ABLIM1: variants seen among roughly 807,000 people sequenced by gnomAD.
The protein encoded by ABLIM1 is actin binding LIM protein 1.
ABLIM1 carries 40 observed loss-of-function variants against 107.0 expected under a neutral mutation model. That is an observed-to-expected ratio of 0.37 (90% CI 0.29 to 0.49). The LOEUF is 0.49. Among genes scored for constraint, ABLIM1 ranks in the 20% least tolerant of loss-of-function variants. The probability of loss-of-function intolerance (pLI) is 0.97; values close to 1 mark genes in which losing one functional copy is unlikely to be tolerated. For synonymous variants in ABLIM1, 357 were observed against 357.3 expected, an observed-to-expected ratio of 1.00 and a Z score of 0.01; for missense variants, 857 against 1,008.5, an observed-to-expected ratio of 0.85 and a Z score of 2.04.
At chr10:114,610,478 C>G (rs187175557) in intron 1 of ABLIM1, among the ~76,000 whole-genome samples, 4 of 152,330 alleles carry the variant, frequency 2.6e-5, no homozygotes, top group Admixed American at 6.5e-5. Context: ...CCCATTGGTT[C>G]CTACTGAATT....
At chr10:114,601,784 G>C in intron 2 of ABLIM1, 43 bp downstream of exon 2, 2 of 1,613,988 alleles carry the variant, frequency 1.2e-6, no homozygotes, top group South Asian at 2.2e-5. Context: ...GGCAAGCCCC[G>C]ACCATGGCAT....
At chr10:114,473,416 A>G (rs947996657) in intron 9 of ABLIM1, among the ~76,000 whole-genome samples, 4 of 152,214 alleles carry the variant, frequency 2.6e-5, no homozygotes, top group African/African-American at 7.2e-5. Flanking sequence ...TTATGATAGT[A>G]AAGGAAAAAG....
chr10:114,650,564 TAAAC>T lies in ABLIM1; in HGVS notation c.244+7389_244+7392del, dbSNP rs1275731847. ...CACATTCCTAGGACTAAAAATAAAATAAACAAAACAAAAAGCAACCATCAATAAA... is the reference window on the plus strand; with the variant it reads ...CACATTCCTAGGACTAAAAATAAAATAAAACAAAAAGCAACCATCAATAAA... On this transcript the variant is annotated intron_variant, in intron 1 of 22. Transcript: ENST00000533213. Among the ~76,000 whole-genome samples, 3 of 151,808 alleles carry T rather than the reference TAAAC, an allele frequency of 2.0e-5. No homozygotes were observed. In the South Asian group the frequency reaches 6.2e-4, roughly 32 times the overall value.
At chr10:114,460,860 G>T (rs1271337125) in intron 12 of ABLIM1, among the ~76,000 whole-genome samples, 1 of 152,182 alleles carries the variant, frequency 6.6e-6, no homozygotes, top group Non-Finnish European at 1.5e-5. Context: ...AGCAGTATTA[G>T]TCATTGACCA....
chr10:114,579,360 C>T (rs1657784856), intron 2 of ABLIM1, among the ~76,000 whole-genome samples: 1 of 152,122 alleles, frequency 6.6e-6, no homozygotes, highest in South Asian at 2.1e-4. Flanking sequence ...ACGTTGCAGA[C>T]ATTGATCTGT....
In ABLIM1 at chr10:114,657,989, C is replaced by T. The variant is rs138943557; in HGVS notation, c.212G>A (p.Arg71His). 6.2e-6 allele frequency: 10 copies of T among 1,613,994 alleles called. No individual in the cohort carries two copies. The highest frequency in any genetic ancestry group is 2.2e-5 in the South Asian group (2 of 91,068). Reference sequence around the variant, plus strand: ...ATCAACGCTGTTACATACACGCCCACGTGGGCAGTAGTCCTTGGGACAGAG... The same window carrying T: ...ATCAACGCTGTTACATACACGCCCATGTGGGCAGTAGTCCTTGGGACAGAG... ...LYLCPKDYCP[R>H]GRVCNSVDPF... Residue 71 changes from arginine to histidine, a missense_variant, in exon 1 of 23, where the codon CGT (arginine) becomes CAT (histidine). Around this residue, in one of 5 missense-constraint regions of ABLIM1, gnomAD observed 176 missense variants for 173.5 expected, o/e 1.01. Transcript: ENST00000533213.
chr10:114,787,315 G>C, the ABLIM1 span, among the ~76,000 whole-genome samples: 1 of 151,962 alleles, frequency 6.6e-6, no homozygotes, highest in African/African-American at 2.4e-5. Context: ...CCCCGTCTGA[G>C]AAGTGAGGAG....
the ABLIM1 span, among the ~76,000 whole-genome samples, chr10:114,781,587 AAT>A: frequency 1.5e-4 from 22 of 148,628 alleles, no homozygotes; most frequent in Middle Eastern, 3.5e-3. Flanking sequence ...TGTGTGTGTG[AAT>A]ATGTGTGTAT....
chr10:114,755,614 CG>C (rs1566307768), intron 1 of ABLIM1, among the ~76,000 whole-genome samples: 1 of 152,192 alleles, frequency 6.6e-6, no homozygotes, highest in Non-Finnish European at 1.5e-5. Flanking sequence ...CTTGTCTAGC[CG>C]GCTTTGTACA....
chr10:114,497,851 C>CA (rs2059907978), intron 6 of ABLIM1, among the ~76,000 whole-genome samples: 2 of 152,098 alleles, frequency 1.3e-5, no homozygotes, highest in South Asian at 2.1e-4. Context: ...ATTTGAAGTG[C>CA]AAAAAATTGT....
chr10:114,652,969 C>CTTA (rs2079321330), intron 1 of ABLIM1, among the ~76,000 whole-genome samples: 1 of 152,132 alleles, frequency 6.6e-6, no homozygotes, highest in Non-Finnish European at 1.5e-5. Flanking sequence ...TGCTGAAGTA[C>CTTA]GTAATTAGCA....
At position 114,684,170 on chromosome 10, in the gene ABLIM1, A is replaced by G. The variant is rs556223174; in HGVS notation, c.64+120T>C. 3.1e-6 allele frequency: 3 copies of G among 961,534 alleles called. No homozygotes were observed. The Admixed American group carries it at 8.1e-5, about 26-fold the overall frequency. The allele number at this position is 961,534 out of a possible 1,614,324, so 59.6% of individuals were successfully genotyped here. On this transcript the variant is annotated intron_variant, in intron 1 of 23. Coordinates refer to the ABLIM1 transcript ENST00000369256. ...TAGATTGTAAAACAATCTTTTACTT[A>G]TTATCATAAGTGTAAAACAATTTTA...
At chr10:114,475,195 C>A (rs1225524095) in intron 8 of ABLIM1, among the ~76,000 whole-genome samples, 2 of 152,164 alleles carry the variant, frequency 1.3e-5, no homozygotes, top group Admixed American at 1.3e-4. Context: ...CAGAACACAG[C>A]GCACAAAGCT....
the ABLIM1 span, chr10:114,779,491 C>CA: frequency 6.6e-6 from 1 of 152,288 alleles, no homozygotes; most frequent in South Asian, 2.1e-4. Flanking sequence ...AGAAACAAAG[C>CA]AAAAACTCAC....
the ABLIM1 span, among the ~76,000 whole-genome samples, chr10:114,780,762 T>G: frequency 6.6e-6 from 1 of 152,198 alleles, no homozygotes; most frequent in Non-Finnish European, 1.5e-5. Context: ...CTTAGGTTGT[T>G]CTTTTCTATG....
At chr10:114,758,062 G>A (rs1326112338) in intron 1 of ABLIM1, among the ~76,000 whole-genome samples, 3 of 151,998 alleles carry the variant, frequency 2.0e-5, no homozygotes, top group Non-Finnish European at 4.4e-5. Flanking sequence ...CTGAAATGTC[G>A]CTTTATCAAA....
At chr10:114,461,420 A>C (rs1034672827) in intron 12 of ABLIM1, among the ~76,000 whole-genome samples, 10 of 151,708 alleles carry the variant, frequency 6.6e-5, no homozygotes, top group African/African-American at 1.9e-4. Context: ...AGAAAAAAAA[A>C]CAGCATAATT....
Position 114,545,118 on chromosome 10 carries a change from T to C in ABLIM1, c.801-20A>G, listed in dbSNP as rs968220982. ...CCATCCCTGCAAGACAAAAACGTGT[T>C]CGGCTCCTGAGGAGGTGGCCAGGGG... On this transcript the variant is annotated intron_variant, in intron 5 of 22. Coordinates refer to ENST00000533213, the MANE Select transcript of ABLIM1 (RefSeq NM_002313.7). 2 of 1,612,934 alleles carry C rather than the reference T, an allele frequency of 1.2e-6. No individual in the cohort carries two copies. The highest frequency in any genetic ancestry group is 2.7e-5 in the African/African-American group (2 of 74,902).
intron 1 of ABLIM1, among the ~76,000 whole-genome samples, chr10:114,713,225 C>G (rs2081590094): frequency 6.6e-6 from 1 of 152,110 alleles, no homozygotes; most frequent in African/African-American, 2.4e-5. Flanking sequence ...CTGTATTGTC[C>G]TCTTCCTAGA....
Sources: gnomAD v4.1 joint callset for allele counts (sites outside exome capture counted in the v4.1 genomes callset) on GRCh38, gnomAD v4.1.1 for gene constraint, gnomAD v4.1.1 regional missense constraint, MANE v1.5 for transcripts, NCBI Gene and HGNC (gene_info 2026-07-23, HGNC 2026-07-21) for gene names.